The following CD180 variants were observed in gnomAD, a reference collection of about 807,000 sequenced individuals.
The protein encoded by CD180 is CD180 antigen.
In CD180, 11 loss-of-function variants were observed where a neutral mutation model predicts 10.7. That is an observed-to-expected ratio of 1.03 (90% CI 0.65 to 1.70). CD180 has a LOEUF of 1.70. Among genes scored for constraint, CD180 ranks in the 40% most tolerant of loss-of-function variants. CD180 has a pLI of 0.00. For missense variants in CD180, 729 were observed against 775.2 expected (o/e 0.94, Z 0.71); for synonymous variants, 286 against 294.6 (o/e 0.97, Z 0.30).
rs1242870480 is a variant in CD180, at chr5:67,184,174, G to C, written c.669C>G (p.Ile223Met). The part of the protein sequence containing the change: ...GIELGAFDST[I>M]FQSLNFGGTP... ...TTCCTCCAAAGTTCAAACTTTGGAA[G>C]ATCGTTGAATCAAAAGCCCCAAGCT... The change falls in exon 3 of 3, where the codon ATC becomes ATG. Residue 223 changes from isoleucine to methionine, a missense_variant. Transcript: ENST00000256447. 4 of 1,614,140 alleles carry C rather than the reference G, an allele frequency of 2.5e-6. No individual in the cohort carries two copies. The highest frequency in any genetic ancestry group is 1.7e-6 in the Non-Finnish European group (2 of 1,180,016).
intron 1 of CD180, among the ~76,000 whole-genome samples, chr5:67,193,785 G>C (rs1742350773): frequency 6.6e-6 from 1 of 152,218 alleles, no homozygotes; most frequent in Non-Finnish European, 1.5e-5. Flanking sequence ...CCCCAGAACA[G>C]GCAGCCAAAG....
chr5:67,187,582 GA>G (rs1477535102), intron 1 of CD180, among the ~76,000 whole-genome samples: 1 of 152,108 alleles, frequency 6.6e-6, no homozygotes, highest in East Asian at 1.9e-4. Context: ...TGGTTTTTTA[GA>G]AGCCTGTAGA....
At chr5:67,191,103 A>G (rs1347172508) in intron 1 of CD180, 1 of 985,190 alleles carries the variant, frequency 1.0e-6, no homozygotes, top group East Asian at 1.1e-4. Flanking sequence ...TGAAAACAAA[A>G]CAAACACTCC....
At position 67,183,615 on chromosome 5, in the gene CD180, C is replaced by G. The variant is rs751995367; in HGVS notation, c.1228G>C (p.Gly410Arg). The G allele has an allele frequency of 1.0e-4, 162 of 1,614,038 alleles. No individual in the cohort carries two copies. Among genetic ancestry groups the G allele is most frequent in the Non-Finnish European group, 1.3e-4 (148 of 1,180,036 alleles). Residue 410 changes from glycine (G) to arginine (R), a missense_variant, in exon 3 of 3, where the codon GGT becomes CGT. Coordinates refer to ENST00000256447, the MANE Select transcript of CD180 (RefSeq NM_005582.3). ...TCTTTGAATGCCTGACTCTGGAGAC[C>G]AAGAGGCTCATTGTGGCTCAGGTTT... ...TLNLSHNEPL[G>R]LQSQAFKECP...
chr5:67,185,363 C>G (rs908379012), intron 2 of CD180, among the ~76,000 whole-genome samples: 5 of 150,992 alleles, frequency 3.3e-5, no homozygotes, highest in Non-Finnish European at 4.4e-5. Context: ...CCCTTATTTT[C>G]TTGTAATACT....
intron 1 of CD180, among the ~76,000 whole-genome samples, chr5:67,188,074 G>T (rs910010420): frequency 2.0e-5 from 3 of 152,074 alleles, no homozygotes; most frequent in Non-Finnish European, 2.9e-5. Flanking sequence ...GGAGGCTGAG[G>T]CAGGAGAATC....
rs967852282 is a variant in CD180 at position 67,180,844 on chromosome 5, C to T, written c.*2013G>A. 11 of 151,790 alleles carry T rather than the reference C, an allele frequency of 7.2e-5. No individual in the cohort carries two copies. Among genetic ancestry groups the T allele is most frequent in the African/African-American group, 2.4e-4 (10 of 41,310 alleles). 9.4% of individuals were successfully genotyped at this position (151,790 alleles called of 1,614,324 possible). A position where few individuals can be genotyped will look rare whatever the true frequency, so the allele number is the denominator to read the frequency against. ...TGAAACCCTGTCTCTACTAAAAATA[C>T]AAAAATTAGCCAGGCGTGGTGGTGG... is the stretch of plus-strand genomic sequence containing the variant. On this transcript the variant is annotated 3_prime_UTR_variant, in exon 3 of 3. Coordinates refer to ENST00000256447, the MANE Select transcript of CD180 (RefSeq NM_005582.3).
chr5:67,194,836 C>G (rs569631800), intron 1 of CD180, among the ~76,000 whole-genome samples: 3 of 152,286 alleles, frequency 2.0e-5, no homozygotes, highest in African/African-American at 7.2e-5. Context: ...CCACCAAATT[C>G]ATATGTTGAA....
intron 1 of CD180, among the ~76,000 whole-genome samples, chr5:67,188,797 A>G (rs1233964342): frequency 6.6e-6 from 1 of 152,230 alleles, no homozygotes; most frequent in Non-Finnish European, 1.5e-5. Flanking sequence ...TTGTGACAAC[A>G]TTATAACTGT....
At chr5:67,186,230 A>G (rs961299866) in intron 1 of CD180, 93 of 333,324 alleles carry the variant, frequency 2.8e-4, no homozygotes, top group East Asian at 1.0e-3. Context: ...ACTATTCATC[A>G]ATATAGGACT....
In CD180 at chr5:67,180,227, A is replaced by T. The variant is rs1742011086; in HGVS notation, c.*2630T>A. 1 of 152,228 alleles carries T rather than the reference A, an allele frequency of 6.6e-6. No individual in the cohort carries two copies. The highest frequency in any genetic ancestry group is 1.5e-5 in the Non-Finnish European group (1 of 68,046). 9.4% of individuals were successfully genotyped at this position (152,228 alleles called of 1,614,324 possible). Reference sequence around the variant, plus strand: ...CTTTGCTAAGGCCTGGGCCCCTTTCATTGTTAGTGTGATGTAATTCACATC... The same window carrying T: ...CTTTGCTAAGGCCTGGGCCCCTTTCTTTGTTAGTGTGATGTAATTCACATC... On this transcript the variant is annotated 3_prime_UTR_variant, in exon 3 of 3. Coordinates refer to ENST00000256447, the MANE Select transcript of CD180 (RefSeq NM_005582.3).
intron 1 of CD180, among the ~76,000 whole-genome samples, chr5:67,196,211 G>A (rs1742400048): frequency 1.3e-5 from 2 of 152,150 alleles, no homozygotes; most frequent in Admixed American, 1.3e-4. Flanking sequence ...TGTGAGAGTG[G>A]GGATGTTAAA....
rs1312571286 is a variant in CD180 at position 67,183,661 on chromosome 5, G to A, written c.1182C>T (p.Asn394=). The A allele has an allele frequency of 6.2e-7, 1 of 1,614,030 alleles. No individual in the cohort carries two copies. The highest frequency in any genetic ancestry group is 2.2e-5 in the East Asian group (1 of 44,886). ...ASDCCSLQLK[N]LSHLQTLNLS... is the part of the protein sequence containing the mutation. Reference sequence around the variant, plus strand: ...GGTTTAAGGTTTGCAAGTGGGACAGGTTTTTGAGTTGCAGACTGCAGCAGT... The same window carrying A: ...GGTTTAAGGTTTGCAAGTGGGACAGATTTTTGAGTTGCAGACTGCAGCAGT... Residue 394 remains asparagine, a synonymous_variant, in exon 3 of 3, where the codon AAC becomes AAT. Coordinates refer to ENST00000256447, the MANE Select transcript of CD180 (RefSeq NM_005582.3).
chr5:67,186,639 TAGATAAGCATCACCAAAATA>T (rs1241017757), intron 1 of CD180, among the ~76,000 whole-genome samples: 2 of 152,214 alleles, frequency 1.3e-5, no homozygotes, highest in East Asian at 3.8e-4. Context: ...AAATCGACCT[TAGATAAGCATCACCAAAATA>T]AGACAATCAA....
rs761371397 is a variant in CD180, at chr5:67,183,254, T to C, written c.1589A>G (p.Asn530Ser). 1 of 1,614,158 alleles carries C rather than the reference T, an allele frequency of 6.2e-7. No individual in the cohort carries two copies. Among genetic ancestry groups the C allele is most frequent in the African/African-American group, 1.3e-5 (1 of 75,038 alleles). ...GKMSHVDLSHNSLTCDSIDSL... is the reference protein window; with the variant it reads ...GKMSHVDLSHSSLTCDSIDSL... ...ATCAATGCTGTCGCATGTCAGGCTG[T>C]TGTGGCTTAAGTCTACATGGCTCAT... Residue 530 changes from asparagine (N) to serine (S), a missense_variant, in exon 3 of 3, where the codon AAC (asparagine) becomes AGC (serine). By Grantham distance (46) the Asn-to-Ser change is conservative. Transcript: ENST00000256447.
At chr5:67,189,587 AT>A (rs1742263346) in intron 1 of CD180, among the ~76,000 whole-genome samples, 1 of 152,214 alleles carries the variant, frequency 6.6e-6, no homozygotes, top group Non-Finnish European at 1.5e-5. Flanking sequence ...AACCAAACAC[AT>A]TTTAGAGAAT....
chr5:67,196,698 C>G lies in CD180; in HGVS notation c.-57G>C. The G allele has an allele frequency of 6.3e-7, 1 of 1,587,110 alleles. No individual in the cohort carries two copies. The highest frequency in any genetic ancestry group is 1.1e-5 in the South Asian group (1 of 90,566). On this transcript the variant is annotated 5_prime_UTR_variant, in exon 1 of 3. An upstream open reading frame in the 5' UTR loses its in-frame stop. Transcript: ENST00000256447. ...AATGCTTGGAGCTGAGAAATGGAAT[C>G]AAACTGTGAAGGCCCTGGCAATTTG... is the stretch of plus-strand genomic sequence containing the variant.
At chr5:67,185,778 C>G in intron 2 of CD180, 73 bp downstream of exon 2, 1 of 1,211,804 alleles carries the variant, frequency 8.3e-7, no homozygotes, top group Non-Finnish European at 1.1e-6. Context: ...AAAGGTCCTG[C>G]AAATAAATTA....
chr5:67,187,214 A>T (rs1468922321), intron 1 of CD180, among the ~76,000 whole-genome samples: 1 of 152,236 alleles, frequency 6.6e-6, no homozygotes, highest in Non-Finnish European at 1.5e-5. Flanking sequence ...AATCTGGCAA[A>T]AAAGGAGGAG....
Sources: gnomAD v4.1 joint callset for allele counts (sites outside exome capture counted in the v4.1 genomes callset) on GRCh38, gnomAD v4.1.1 for gene constraint, MANE v1.5 for transcripts, NCBI Gene and HGNC (gene_info 2026-07-23, HGNC 2026-07-21) for gene names.